The following CDH18 variants were observed in gnomAD, a reference collection of about 807,000 sequenced individuals.
The protein encoded by CDH18 is cadherin-18.
A neutral mutation model predicts 67.9 loss-of-function variants in CDH18; 31 were observed. The observed-to-expected ratio is 0.46, with a 90% CI of 0.34 to 0.62. The LOEUF (loss-of-function observed/expected upper bound fraction) is 0.62. Among genes scored for constraint, CDH18 ranks in the 20% least tolerant of loss-of-function variants. CDH18 has a pLI of 0.01. For synonymous variants in CDH18, 362 were observed against 347.2 expected, an observed-to-expected ratio of 1.04 and a Z score of -0.48; for missense variants, 890 against 975.5, an observed-to-expected ratio of 0.91 and a Z score of 1.17.
At chr5:20,013,450 G>A (rs953435557) in intron 2 of CDH18, among the ~76,000 whole-genome samples, 13 of 151,976 alleles carry the variant, frequency 8.6e-5, no homozygotes, top group African/African-American at 2.9e-4. Context: ...GACTTATGAG[G>A]TTGATGACTA....
At chr5:19,933,058 A>T (rs73762446) in intron 2 of CDH18, among the ~76,000 whole-genome samples, 1 of 151,456 alleles carries the variant, frequency 6.6e-6, no homozygotes, top group African/African-American at 2.4e-5. Flanking sequence ...ACTGTAATGC[A>T]GGTCTTTATT....
intron 6 of CDH18, among the ~76,000 whole-genome samples, 181 bp downstream of exon 6, chr5:19,612,253 A>G (rs1268452133): frequency 6.6e-6 from 1 of 152,178 alleles, no homozygotes; most frequent in African/African-American, 2.4e-5. Context: ...ATTATTTCCT[A>G]GGTTCAGAAG....
chr5:19,964,647 C>CAAAA (rs10719096), intron 2 of CDH18, among the ~76,000 whole-genome samples: 2 of 77,244 alleles, frequency 2.6e-5, no homozygotes, highest in Non-Finnish European at 3.4e-5. Context: ...GGCCCTGTAT[C>CAAAA]AAAAAAAAAA....
At chr5:19,510,675 T>A (rs1442362876) in intron 10 of CDH18, among the ~76,000 whole-genome samples, 1 of 152,120 alleles carries the variant, frequency 6.6e-6, no homozygotes, top group Non-Finnish European at 1.5e-5. Context: ...TAAAATCATA[T>A]TGAATTATAA....
At chr5:19,827,948 A>G (rs969329149) in intron 3 of CDH18, among the ~76,000 whole-genome samples, 11 of 152,186 alleles carry the variant, frequency 7.2e-5, no homozygotes, top group African/African-American at 2.7e-4. Context: ...GTTCTTTGAA[A>G]GAATAAATTA....
At chr5:19,808,969 T>C (rs974646749) in intron 3 of CDH18, among the ~76,000 whole-genome samples, 1 of 151,992 alleles carries the variant, frequency 6.6e-6, no homozygotes, top group African/African-American at 2.4e-5. Context: ...TGTATCTGTG[T>C]GAAAGTATCA....
rs2126589678 is a variant in CDH18 at position 20,541,411 on chromosome 5, A to G, written c.-580+34051T>C. On this transcript the variant is annotated intron_variant, in intron 1 of 14. Transcript: ENST00000507958. The stretch of plus-strand genomic sequence containing the variant: ...AAAATAAGAATGGCATAATGACAAG[A>G]TAAATGGTAGTCTTTAAATAAATGT... Among the ~76,000 whole-genome samples, 5 of 152,328 alleles carry G rather than the reference A, an allele frequency of 3.3e-5. No individual in the cohort carries two copies. The Middle Eastern group carries it at 0.017, about 518-fold the overall frequency.
At chr5:20,225,127 T>A (rs941984298) in intron 2 of CDH18, among the ~76,000 whole-genome samples, 1 of 152,116 alleles carries the variant, frequency 6.6e-6, no homozygotes, top group African/African-American at 2.4e-5. Context: ...GGTCACCACA[T>A]CAGTGACATT....
chr5:19,656,642 G>A (rs1247721885), intron 5 of CDH18, among the ~76,000 whole-genome samples: 1 of 152,000 alleles, frequency 6.6e-6, no homozygotes, highest in Non-Finnish European at 1.5e-5. Context: ...GTGCAAACAA[G>A]CAAACAAAGA....
At chr5:19,888,666 C>T (rs945948215) in intron 2 of CDH18, among the ~76,000 whole-genome samples, 2 of 152,044 alleles carry the variant, frequency 1.3e-5, no homozygotes, top group Non-Finnish European at 1.5e-5. Context: ...AGAATCTGTG[C>T]AATTGTTTAT....
At chr5:19,512,153 T>C (rs1301494353) in intron 10 of CDH18, among the ~76,000 whole-genome samples, 1 of 152,190 alleles carries the variant, frequency 6.6e-6, no homozygotes, top group East Asian at 1.9e-4. Context: ...GTTATTGGCC[T>C]AGATTTGCAG....
intron 2 of CDH18, among the ~76,000 whole-genome samples, chr5:20,225,210 TTCACAGCTGTCA>T (rs1363629538): frequency 6.6e-6 from 1 of 152,166 alleles, no homozygotes; most frequent in Non-Finnish European, 1.5e-5. Flanking sequence ...GTATTTTTCC[TTCACAGCTGTCA>T]TCACCTCCTG....
chr5:19,669,197 TATG>T (rs907495697), intron 5 of CDH18, among the ~76,000 whole-genome samples: 76 of 146,354 alleles, frequency 5.2e-4, no homozygotes, highest in Non-Finnish European at 9.9e-4. Context: ...TAATATAATA[TATG>T]ATGTAATATA....
intron 3 of CDH18, among the ~76,000 whole-genome samples, chr5:19,776,919 A>C (rs181827765): frequency 1.3e-5 from 2 of 152,222 alleles, no homozygotes; most frequent in African/African-American, 2.4e-5. Context: ...CCAGTAACAA[A>C]AACAAGTATT....
In CDH18 at chr5:20,517,184, T is replaced by C. The variant is rs553110052; in HGVS notation, c.-580+58278A>G. Among the ~76,000 whole-genome samples, 91 of 151,956 alleles carry C rather than the reference T, an allele frequency of 6.0e-4. 2 individuals carry two copies. The highest frequency in any genetic ancestry group is 2.2e-3 in the African/African-American group (90 of 41,548). ...CATCTATATCCTAATATGTATATATTTTATTTACTAATAACAATTTATTAT... is the reference window on the plus strand; with the variant it reads ...CATCTATATCCTAATATGTATATATCTTATTTACTAATAACAATTTATTAT... On this transcript the variant is annotated intron_variant, in intron 1 of 14. Coordinates refer to the CDH18 transcript ENST00000507958.
intron 1 of CDH18, among the ~76,000 whole-genome samples, chr5:20,522,111 G>A (rs1374986783): frequency 1.3e-5 from 2 of 152,156 alleles, no homozygotes; most frequent in Non-Finnish European, 2.9e-5. Flanking sequence ...AAAGACGTCA[G>A]AAACAAATAC....
chr5:20,228,435 T>A (rs1410138202), intron 2 of CDH18, among the ~76,000 whole-genome samples: 1 of 152,088 alleles, frequency 6.6e-6, no homozygotes, highest in Non-Finnish European at 1.5e-5. Flanking sequence ...TATACCTAAT[T>A]AACACATGTA....
At chr5:19,644,394 T>A (rs1304539758) in intron 5 of CDH18, among the ~76,000 whole-genome samples, 1 of 151,810 alleles carries the variant, frequency 6.6e-6, no homozygotes, top group East Asian at 1.9e-4. Context: ...AAAAAATGAG[T>A]AAGGGATTAA....
rs531418639 is a variant in CDH18 at position 20,301,064 on chromosome 5, T to A, written c.-579-45559A>T. On this transcript the variant is annotated intron_variant, in intron 1 of 14. Transcript: ENST00000507958. ...ATAGGCTGATGTTATTCTAATATCTTTATGGGAGACTTTCTATTCTATTGT... is the reference window on the plus strand; with the variant it reads ...ATAGGCTGATGTTATTCTAATATCTATATGGGAGACTTTCTATTCTATTGT... Among the ~76,000 whole-genome samples, 6 of 152,348 alleles carry A rather than the reference T, an allele frequency of 3.9e-5. No individual in the cohort carries two copies. In the East Asian group the frequency reaches 1.2e-3, roughly 29 times the overall value.
Sources: allele counts gnomAD v4.1 joint callset (sites outside exome capture counted in the v4.1 genomes callset), GRCh38; gene constraint gnomAD v4.1.1; transcripts MANE v1.5; gene names NCBI Gene and HGNC (gene_info 2026-07-23, HGNC 2026-07-21).